Variants in CDH22 observed in about 807,000 individuals in gnomAD.
CDH22 encodes the protein cadherin-22.
In CDH22, 30 loss-of-function variants were observed where a neutral mutation model predicts 58.4. The ratio of observed to expected loss-of-function variants is 0.51; its 90% CI spans 0.38 to 0.70. The LOEUF is 0.70. Ranked by LOEUF, CDH22 falls within the 30% of genes least tolerant of loss-of-function variation. The pLI, the probability that CDH22 is intolerant of heterozygous loss-of-function variation, is 0.00. For synonymous variants in CDH22, 513 were observed against 558.2 expected, an observed-to-expected ratio of 0.92 and a Z score of 1.14; for missense variants, 1,014 against 1,233.9, an observed-to-expected ratio of 0.82 and a Z score of 2.67.
chr20:46,230,812 G>A (rs1028114362), intron 3 of CDH22, among the ~76,000 whole-genome samples: 3 of 152,114 alleles, frequency 2.0e-5, no homozygotes, highest in African/African-American at 7.2e-5. Context: ...TACCAAACTC[G>A]TGGATCACTG....
intron 2 of CDH22, among the ~76,000 whole-genome samples, chr20:46,246,182 C>T (rs921246240): frequency 3.3e-5 from 5 of 152,164 alleles, no homozygotes; most frequent in African/African-American, 9.7e-5. Context: ...ACGGACAGTG[C>T]GGCTACGCAA....
chr20:46,174,862 C>G lies in CDH22; in HGVS notation c.2131G>C (p.Gly711Arg). 2 of 1,329,330 alleles carry G rather than the reference C, an allele frequency of 1.5e-6. No individual in the cohort carries two copies. Among genetic ancestry groups the G allele is most frequent in the Non-Finnish European group, 9.6e-7 (1 of 1,040,164 alleles). 82.3% of individuals were successfully genotyped at this position (1,329,330 alleles called of 1,614,324 possible). ...DGGGSAGGGA[G>R]GGSGGGAGSP... The stretch of plus-strand genomic sequence containing the variant: ...CCCGCGCCCCCGCCCGAGCCCCCGC[C>G]CGCTCCCCCGCCCGCGCTGCCGCCC... Residue 711 changes from glycine (G) to arginine (R), a missense_variant, in exon 12 of 12, where the codon GGC becomes CGC. By Grantham distance (125) the Gly-to-Arg change is moderately radical. Coordinates refer to ENST00000537909, the MANE Select transcript of CDH22 (RefSeq NM_021248.3). This position sits in a 1 kb window ranked among gnomAD's most constrained non-coding sequence, Gnocchi z 4.4.
chr20:46,199,783 TCA>T (rs2085941504), intron 7 of CDH22, among the ~76,000 whole-genome samples: 1 of 152,180 alleles, frequency 6.6e-6, no homozygotes, highest in Admixed American at 6.5e-5. Flanking sequence ...TTTCTGAGCC[TCA>T]GTTTCCTCAG....
chr20:46,301,506 T>A (rs7274015), intron 1 of CDH22, among the ~76,000 whole-genome samples: 17,662 of 145,298 alleles, frequency 0.12, 1,260 homozygotes, highest in African/African-American at 0.21. Flanking sequence ...ATTAAAAAAA[T>A]ATATATATAT....
chr20:46,227,469 G>GCGACC, intron 4 of CDH22, 39 bp downstream of exon 4: 1 of 460,298 alleles, frequency 2.2e-6, no homozygotes, highest in Non-Finnish European at 3.8e-6. Flanking sequence ...CCCTGGCCCC[G>GCGACC]CCCCACGGCT....
chr20:46,301,704 G>A (rs1435538383), intron 1 of CDH22, among the ~76,000 whole-genome samples: 5 of 151,894 alleles, frequency 3.3e-5, no homozygotes, highest in Non-Finnish European at 7.4e-5. Context: ...CCAGCTACTC[G>A]GGAGGCTGAG....
At chr20:46,305,047 G>T (rs1379218517) in intron 1 of CDH22, among the ~76,000 whole-genome samples, 2 of 152,168 alleles carry the variant, frequency 1.3e-5, no homozygotes, top group Non-Finnish European at 2.9e-5. Context: ...GCATATAACA[G>T]CCATGCCTCC....
Position 46,224,512 on chromosome 20 carries a change from TAGAAGTTC to T in CDH22, c.670+2988_670+2995del, listed in dbSNP as rs1162982998. Among the ~76,000 whole-genome samples the T allele has an allele frequency of 1.1e-4, 17 of 152,346 alleles. No homozygotes were observed. In the East Asian group the frequency reaches 2.9e-3, roughly 26 times the overall value. On this transcript the variant is annotated intron_variant, in intron 4 of 11. Transcript: ENST00000537909. ...CACACCTGTATTTCACATGGCCTGC[TAGAAGTTC>T]TAGGTGTTTCTTTCCCTGTTTTCGC...
chr20:46,197,491 G>A (rs1330289028), intron 8 of CDH22, among the ~76,000 whole-genome samples: 2 of 152,132 alleles, frequency 1.3e-5, no homozygotes, highest in East Asian at 3.9e-4. Context: ...GCTGGTGGTG[G>A]GACACTGGGC....
intron 1 of CDH22, among the ~76,000 whole-genome samples, chr20:46,282,653 A>G (rs1006296162): frequency 4.6e-5 from 7 of 152,172 alleles, no homozygotes; most frequent in Non-Finnish European, 8.8e-5. Flanking sequence ...AGGTGTATGA[A>G]TTATTTATAA....
chr20:46,305,206 A>C (rs190316103), intron 1 of CDH22, among the ~76,000 whole-genome samples: 127 of 152,364 alleles, frequency 8.3e-4, no homozygotes, highest in Admixed American at 3.9e-3. Flanking sequence ...GCGGAAAGAC[A>C]GTCCTATCAT....
At chr20:46,257,040 G>A (rs2086409947) in intron 1 of CDH22, among the ~76,000 whole-genome samples, 1 of 151,846 alleles carries the variant, frequency 6.6e-6, no homozygotes, top group Non-Finnish European at 1.5e-5. Context: ...AGGCATGGTG[G>A]CTCATACCTG....
At chr20:46,275,122 G>A (rs895860304) in intron 1 of CDH22, among the ~76,000 whole-genome samples, 9 of 152,148 alleles carry the variant, frequency 5.9e-5, no homozygotes, top group Admixed American at 5.2e-4. Flanking sequence ...TGGAAAAAGT[G>A]GCCCCCATTT....
intron 8 of CDH22, among the ~76,000 whole-genome samples, chr20:46,196,987 G>A (rs187715053): frequency 2.0e-5 from 3 of 152,248 alleles, no homozygotes; most frequent in African/African-American, 7.2e-5. Flanking sequence ...GAGAAGGGGG[G>A]TCTCGAGCCC....
At chr20:46,284,537 A>G (rs1022919529) in intron 1 of CDH22, among the ~76,000 whole-genome samples, 3 of 152,156 alleles carry the variant, frequency 2.0e-5, no homozygotes, top group Non-Finnish European at 2.9e-5. Flanking sequence ...CCCAGGAGGT[A>G]GATGTACAGA....
Position 46,210,541 on chromosome 20 carries a change from TG to T in CDH22, c.1051del (p.Gln351SerfsTer6). On this transcript the variant is annotated frameshift_variant, in exon 7 of 12. Transcript: ENST00000537909. LOFTEE classifies it high-confidence loss of function. This position sits in a 1 kb window ranked among gnomAD's most constrained non-coding sequence, Gnocchi z 4.5. ...VVQKRLDFES[Q>X]PVHTVILEAL... ...CTCCAGGATCACGGTGTGCACGGGC[TG>T]GGATTCGAAGTCCAGGCGCTGCGGG... 7.0e-7 allele frequency: 1 copy of T among 1,428,254 alleles called. No individual in the cohort carries two copies. Among genetic ancestry groups the T allele is most frequent in the Non-Finnish European group, 9.2e-7 (1 of 1,087,680 alleles). 88.5% of individuals were successfully genotyped at this position (1,428,254 alleles called of 1,614,324 possible).
At chr20:46,205,995 G>A (rs972129107) in intron 7 of CDH22, among the ~76,000 whole-genome samples, 2 of 152,026 alleles carry the variant, frequency 1.3e-5, no homozygotes, top group Non-Finnish European at 2.9e-5. Flanking sequence ...CCCCTTCCTG[G>A]TGCATAAACT....
In CDH22 at chr20:46,174,642, G is replaced by T. The variant is rs536932425; in HGVS notation, c.2351C>A (p.Ser784Ter). ...AFEGADSPAASLSSLHSGSSG... is the reference protein window; with the variant it reads ...AFEGADSPAA Reference sequence around the variant, plus strand: ...CGAGCCGCTGTGCAGGGAGCTGAGCGAGGCGGCCGGCGAGTCCGCGCCCTC... The same window carrying T: ...CGAGCCGCTGTGCAGGGAGCTGAGCTAGGCGGCCGGCGAGTCCGCGCCCTC... Residue 784 changes from serine to a stop codon, truncating the protein, a stop_gained, in exon 12 of 12, where the codon TCG becomes TAG. Coordinates refer to ENST00000537909, the MANE Select transcript of CDH22 (RefSeq NM_021248.3). LOFTEE classifies it low-confidence loss of function (END_TRUNC). The surrounding 1 kb of genome is among the most constrained non-coding windows in gnomAD (Gnocchi z 4.4). 6 of 1,553,552 alleles carry T rather than the reference G, an allele frequency of 3.9e-6. No homozygotes were observed. Among genetic ancestry groups the T allele is most frequent in the East Asian group, 2.3e-5 (1 of 42,998 alleles).
At chr20:46,185,129 A>G (rs1175075300) in intron 10 of CDH22, among the ~76,000 whole-genome samples, 5 of 46,792 alleles carry the variant, frequency 1.1e-4, no homozygotes, top group African/African-American at 3.5e-4. Context: ...CCCCACACGC[A>G]TACACACACA....
Sources: allele counts gnomAD v4.1 joint callset (sites outside exome capture counted in the v4.1 genomes callset), GRCh38; gene constraint gnomAD v4.1.1; non-coding constraint Gnocchi (gnomAD v3.1); transcripts MANE v1.5; gene names NCBI Gene and HGNC (gene_info 2026-07-23, HGNC 2026-07-21).